Variants in PPP3CA observed in about 807,000 individuals in gnomAD.
The protein encoded by PPP3CA is CAM-PRP catalytic subunit.
PPP3CA carries 14 observed loss-of-function variants against 66.5 expected under a neutral mutation model. The observed-to-expected ratio is 0.21, with a 90% CI of 0.14 to 0.33. The LOEUF is 0.33. PPP3CA is among the 10% of genes least tolerant of loss of function. The probability of loss-of-function intolerance (pLI) is 1.00; values close to 1 mark genes in which losing one functional copy is unlikely to be tolerated. For missense variants in PPP3CA, 317 were observed against 639.5 expected, an observed-to-expected ratio of 0.50 and a Z score of 5.44; for synonymous variants, 232 against 226.2, an observed-to-expected ratio of 1.03 and a Z score of -0.23.
At position 101,299,733 on chromosome 4, in the gene PPP3CA, A is replaced by G. The variant is rs72681095; in HGVS notation, c.58+47006T>C. On this transcript the variant is annotated intron_variant, in intron 1 of 13. Transcript: ENST00000394854. ...CCCCCATTGTACCAAATATGTACAGAGCCTCAGGAAATGAATATGAGTAAA... is the reference window on the plus strand; with the variant it reads ...CCCCCATTGTACCAAATATGTACAGGGCCTCAGGAAATGAATATGAGTAAA... Among the ~76,000 whole-genome samples, 210 of 152,338 alleles carry G rather than the reference A, an allele frequency of 1.4e-3. 1 individual carries two copies. Among genetic ancestry groups the G allele is most frequent in the Middle Eastern group, 6.8e-3 (2 of 294 alleles).
chr4:101,173,290 G>GT (rs1723943800), intron 2 of PPP3CA, among the ~76,000 whole-genome samples: 2 of 152,146 alleles, frequency 1.3e-5, no homozygotes, highest in Admixed American at 6.6e-5. Context: ...TAGGCAGGGT[G>GT]TTTATTTGGC....
chr4:101,097,828 C>G (rs1207366190), intron 5 of PPP3CA, among the ~76,000 whole-genome samples: 1 of 152,140 alleles, frequency 6.6e-6, no homozygotes, highest in Non-Finnish European at 1.5e-5. Flanking sequence ...TGGAGTATTT[C>G]TTAAAAACTT....
chr4:101,333,603 T>C (rs935236818), intron 1 of PPP3CA, among the ~76,000 whole-genome samples: 1 of 152,090 alleles, frequency 6.6e-6, no homozygotes, highest in Non-Finnish European at 1.5e-5. Context: ...ATTCAGTGTT[T>C]TGGAAATGAG....
chr4:101,127,435 C>T (rs941364496), intron 2 of PPP3CA, among the ~76,000 whole-genome samples: 30 of 152,118 alleles, frequency 2.0e-4, no homozygotes, highest in South Asian at 1.0e-3. Context: ...TAAAGAAACA[C>T]TTGAACACAG....
At chr4:101,329,412 A>G (rs928453598) in intron 1 of PPP3CA, among the ~76,000 whole-genome samples, 1 of 152,214 alleles carries the variant, frequency 6.6e-6, no homozygotes, top group Non-Finnish European at 1.5e-5. Context: ...GCAAAAAGCC[A>G]TCTCCACAAC....
chr4:101,099,763 T>G, intron 3 of PPP3CA, 41 bp from the exon 4 acceptor site: 2 of 1,111,242 alleles, frequency 1.8e-6, no homozygotes, highest in Non-Finnish European at 2.5e-6. Context: ...ATATTTTTCC[T>G]TAACACTTAT....
chr4:101,039,700 GT>G (rs1727417450), intron 11 of PPP3CA, among the ~76,000 whole-genome samples: 1 of 144,274 alleles, frequency 6.9e-6, no homozygotes, highest in African/African-American at 2.5e-5. Flanking sequence ...AAAAGAGCCA[GT>G]GTCGATACTC....
chr4:101,090,179 A>T (rs1191419509), intron 6 of PPP3CA, among the ~76,000 whole-genome samples: 1 of 152,244 alleles, frequency 6.6e-6, no homozygotes, highest in African/African-American at 2.4e-5. Flanking sequence ...TAAAGACAAA[A>T]GGACCAAAAA....
chr4:101,134,182 A>C (rs1450453383), intron 2 of PPP3CA, among the ~76,000 whole-genome samples: 1 of 152,232 alleles, frequency 6.6e-6, no homozygotes, highest in African/African-American at 2.4e-5. Flanking sequence ...GGACGTCGGC[A>C]AAGACTTCAT....
chr4:101,033,334 A>C (rs964361911), intron 11 of PPP3CA, among the ~76,000 whole-genome samples: 1 of 151,062 alleles, frequency 6.6e-6, no homozygotes, highest in South Asian at 2.1e-4. Flanking sequence ...ACACACAGGG[A>C]GAGAGTTTAG....
intron 1 of PPP3CA, among the ~76,000 whole-genome samples, chr4:101,288,082 A>G (rs576837853): frequency 1.3e-5 from 2 of 152,302 alleles, no homozygotes; most frequent in African/African-American, 4.8e-5. Context: ...TAGGAGTCTG[A>G]GGAATCCAGG....
intron 1 of PPP3CA, among the ~76,000 whole-genome samples, chr4:101,259,097 A>C (rs1225636434): frequency 6.6e-6 from 1 of 152,130 alleles, no homozygotes; most frequent in African/African-American, 2.4e-5. Flanking sequence ...TGCTGCAAGC[A>C]CTTCCTTCTC....
At chr4:101,057,190 G>A (rs1286949130) in intron 10 of PPP3CA, among the ~76,000 whole-genome samples, 1 of 151,994 alleles carries the variant, frequency 6.6e-6, no homozygotes, top group African/African-American at 2.4e-5. Flanking sequence ...AAGTAGCTAG[G>A]AATACGGATG....
chr4:101,185,854 C>T (rs1475699366), intron 2 of PPP3CA, among the ~76,000 whole-genome samples: 2 of 152,118 alleles, frequency 1.3e-5, no homozygotes, highest in Non-Finnish European at 2.9e-5. Context: ...GTCTATGACC[C>T]TGGGCAAGCT....
chr4:101,189,938 T>C (rs1376504669), intron 2 of PPP3CA, among the ~76,000 whole-genome samples: 1 of 152,018 alleles, frequency 6.6e-6, no homozygotes, highest in African/African-American at 2.4e-5. Context: ...CCATACATGT[T>C]ACTGACTCAG....
At chr4:101,201,049 A>G (rs1215124396) in intron 1 of PPP3CA, among the ~76,000 whole-genome samples, 3 of 152,232 alleles carry the variant, frequency 2.0e-5, no homozygotes, top group South Asian at 2.1e-4. Context: ...GTTAAATATA[A>G]CATTCATATT....
chr4:101,025,643 C>T lies in PPP3CA; in HGVS notation c.*222G>A. On this transcript the variant is annotated 3_prime_UTR_variant, in exon 14 of 14. Coordinates refer to ENST00000394854, the MANE Select transcript of PPP3CA (RefSeq NM_000944.5). The stretch of plus-strand genomic sequence containing the variant: ...CTATAAGCATTTTTAAAAGGCATAC[C>T]CAAAAGAGGTGTTTAATCACCATCC... The T allele has an allele frequency of 7.2e-6, 3 of 419,486 alleles. No individual in the cohort carries two copies. Among genetic ancestry groups the T allele is most frequent in the East Asian group, 3.7e-5 (1 of 27,110 alleles). The allele number at this position is 419,486 out of a possible 1,614,324, so 26.0% of individuals were successfully genotyped here. A position where few individuals can be genotyped will look rare whatever the true frequency, so the allele number is the denominator to read the frequency against.
rs547399823 is a variant in PPP3CA, at chr4:101,167,425, A to T, written c.259+28491T>A. Among the ~76,000 whole-genome samples the T allele has an allele frequency of 1.4e-4, 22 of 152,346 alleles. No homozygotes were observed. The South Asian group carries it at 4.3e-3, about 30-fold the overall frequency. ...TTAGTCAACATTTAAATCGTTACCG[A>T]ATATGTGTACAAGTATTTACCAAGA... On this transcript the variant is annotated intron_variant, in intron 2 of 13. Transcript: ENST00000394854.
chr4:101,346,869 G>A lies in PPP3CA; in HGVS notation c.-73C>T. On this transcript the variant is annotated 5_prime_UTR_variant, in exon 1 of 14. Transcript: ENST00000394854. ...ACACCCCGACCGGACCGGCGGGCCAGACACTCAACGCCGCCGCCGCCGCCG... is the reference window on the plus strand; with the variant it reads ...ACACCCCGACCGGACCGGCGGGCCAAACACTCAACGCCGCCGCCGCCGCCG... The A allele has an allele frequency of 6.8e-7, 1 of 1,479,778 alleles. No individual in the cohort carries two copies. Among genetic ancestry groups the A allele is most frequent in the South Asian group, 1.2e-5 (1 of 82,652 alleles). The allele number at this position is 1,479,778 out of a possible 1,614,324, so 91.7% of individuals were successfully genotyped here.
Sources: allele counts gnomAD v4.1 joint callset (sites outside exome capture counted in the v4.1 genomes callset), GRCh38; gene constraint gnomAD v4.1.1; transcripts MANE v1.5; gene names NCBI Gene and HGNC (gene_info 2026-07-23, HGNC 2026-07-21).